Variants in CDIP1 observed in about 807,000 individuals in gnomAD.
The protein encoded by CDIP1 is cell death inducing p53 target 1, also known as cell death-inducing p53-target protein 1.
Under a neutral mutation model 17.7 loss-of-function variants are expected in CDIP1, and 9 were observed. That is an observed-to-expected ratio of 0.51 (90% CI 0.31 to 0.89). CDIP1 has a LOEUF of 0.89. CDIP1 is among the 40% of genes least tolerant of loss of function. CDIP1 has a pLI of 0.05. For missense variants in CDIP1, 263 were observed against 277.9 expected (o/e 0.95, Z 0.38); for synonymous variants, 117 against 109.5 (o/e 1.07, Z -0.43).
Position 4,513,965 on chromosome 16 carries a change from G to A in CDIP1, c.85+81C>T. The A allele has an allele frequency of 2.2e-6, 3 of 1,335,392 alleles. No individual in the cohort carries two copies. The highest frequency in any genetic ancestry group is 3.1e-6 in the Non-Finnish European group (3 of 981,220). 82.7% of individuals were successfully genotyped at this position (1,335,392 alleles called of 1,614,324 possible). On this transcript the variant is annotated intron_variant, in intron 3 of 5. Coordinates refer to ENST00000567695, the MANE Select transcript of CDIP1 (RefSeq NM_013399.3). The surrounding 1 kb of genome is among the most constrained non-coding windows in gnomAD (Gnocchi z 4.1). Reference sequence around the variant, plus strand: ...GGGCCCAGGGGTAACCCTGGAGTGGGCATCACCACTTAGAGAGTCCCAACC... The same window carrying A: ...GGGCCCAGGGGTAACCCTGGAGTGGACATCACCACTTAGAGAGTCCCAACC...
chr16:4,538,098 C>A lies in CDIP1; in HGVS notation c.-105+604G>T, dbSNP rs907021612. Among the ~76,000 whole-genome samples, 12 of 152,290 alleles carry A rather than the reference C, an allele frequency of 7.9e-5. No individual in the cohort carries two copies. The Middle Eastern group carries it at 0.01, about 130-fold the overall frequency. ...CCACCCCTCCCCTCCCCGTCTCGCCCTGCAAGACGGAGATGGCAATTTCCA... is the reference window on the plus strand; with the variant it reads ...CCACCCCTCCCCTCCCCGTCTCGCCATGCAAGACGGAGATGGCAATTTCCA... On this transcript the variant is annotated intron_variant, in intron 1 of 5. Coordinates refer to ENST00000567695, the MANE Select transcript of CDIP1 (RefSeq NM_013399.3).
chr16:4,521,583 C>G (rs1266141383), intron 1 of CDIP1, among the ~76,000 whole-genome samples: 1 of 151,908 alleles, frequency 6.6e-6, no homozygotes, highest in Non-Finnish European at 1.5e-5. Flanking sequence ...GGGCTCTGGG[C>G]CAGGTGTGGT....
chr16:4,513,422 C>A lies in CDIP1; in HGVS notation c.241+274G>T, dbSNP rs755738500. Among the ~76,000 whole-genome samples the A allele has an allele frequency of 1.2e-4, 18 of 152,162 alleles. No individual in the cohort carries two copies. The highest frequency in any genetic ancestry group is 2.4e-4 in the Non-Finnish European group (16 of 68,024). On this transcript the variant is annotated intron_variant, in intron 4 of 5. Transcript: ENST00000567695. The surrounding 1 kb of genome is among the most constrained non-coding windows in gnomAD (Gnocchi z 4.1). ...GAGGGAAAGCCTTGCGGGTCACCCACCCCTCTCCTGCACACAAGGCGCCCC... is the reference window on the plus strand; with the variant it reads ...GAGGGAAAGCCTTGCGGGTCACCCAACCCTCTCCTGCACACAAGGCGCCCC...
Position 4,512,492 on chromosome 16 carries a change from G to C in CDIP1, c.*80C>G. ...ACGGCTCCCAGCCCCAAGTGGGAGCGGGAAAGTGACCACTGAGCACAGGGA... is the reference window on the plus strand; with the variant it reads ...ACGGCTCCCAGCCCCAAGTGGGAGCCGGAAAGTGACCACTGAGCACAGGGA... On this transcript the variant is annotated 3_prime_UTR_variant, in exon 6 of 6. Coordinates refer to ENST00000567695, the MANE Select transcript of CDIP1 (RefSeq NM_013399.3). The surrounding 1 kb of genome is among the most constrained non-coding windows in gnomAD (Gnocchi z 4.6). The C allele has an allele frequency of 9.9e-7, 1 of 1,014,644 alleles. No homozygotes were observed. The highest frequency in any genetic ancestry group is 1.6e-6 in the Non-Finnish European group (1 of 642,170). 62.9% of individuals were successfully genotyped at this position (1,014,644 alleles called of 1,614,324 possible).
At chr16:4,526,282 G>A (rs1271226584) in intron 1 of CDIP1, among the ~76,000 whole-genome samples, 1 of 152,202 alleles carries the variant, frequency 6.6e-6, no homozygotes, top group African/African-American at 2.4e-5. Flanking sequence ...GCATCCGCCT[G>A]TAATCCCAGC....
rs531805684 is a variant in CDIP1, at chr16:4,514,233, C to T, written c.-14-89G>A. On this transcript the variant is annotated intron_variant, in intron 2 of 5. Coordinates refer to ENST00000567695, the MANE Select transcript of CDIP1 (RefSeq NM_013399.3). The surrounding 1 kb of genome is among the most constrained non-coding windows in gnomAD (Gnocchi z 5.2). ...CCTGTGGGGTGGCCAAGATGCTGCA[C>T]AAGGCGTGTGACCATCCTCAGAAGG... is the stretch of plus-strand genomic sequence containing the variant. 3.7e-5 allele frequency: 27 copies of T among 733,884 alleles called. No individual in the cohort carries two copies. In the South Asian group the frequency reaches 4.3e-4, roughly 12 times the overall value. 45.5% of individuals were successfully genotyped at this position (733,884 alleles called of 1,614,324 possible).
intron 1 of CDIP1, among the ~76,000 whole-genome samples, chr16:4,517,317 C>T (rs924763241): frequency 2.6e-5 from 4 of 152,134 alleles, no homozygotes; most frequent in African/African-American, 9.7e-5. Context: ...TTCTGAGTTG[C>T]CTTATTATCC....
rs2058820046 is a variant in CDIP1, at chr16:4,510,871, T to G, written c.*1701A>C. 6.6e-6 allele frequency: 1 copy of G among 152,268 alleles called. No homozygotes were observed. The highest frequency in any genetic ancestry group is 2.4e-5 in the African/African-American group (1 of 41,470). The allele number at this position is 152,268 out of a possible 1,614,324, so 9.4% of individuals were successfully genotyped here. A position where few individuals can be genotyped will look rare whatever the true frequency, so the allele number is the denominator to read the frequency against. ...CCAGGGCCAGAGGTCGCCCAGAACC[T>G]GCGTGTGCAGACTGCGCTCTGTTAG... On this transcript the variant is annotated 3_prime_UTR_variant, in exon 6 of 6. Coordinates refer to ENST00000567695, the MANE Select transcript of CDIP1 (RefSeq NM_013399.3).
Position 4,534,690 on chromosome 16 carries a change from G to GTT in CDIP1, c.-105+4010_-105+4011dup, listed in dbSNP as rs762718101. 2.6e-3 allele frequency among the ~76,000 whole-genome samples: 345 copies of GTT among 130,302 alleles called. 2 individuals are homozygous for GTT. Among genetic ancestry groups the GTT allele is most frequent in the African/African-American group, 0.01 (320 of 30,488 alleles). 85.5% of individuals were successfully genotyped at this position (130,302 alleles called of 152,430 possible). ...AGCCTGTGAGGCCGCTGTTTGCATG[G>GTT]TTTTTTTTTTTTTTTTTTTTTTTGG... On this transcript the variant is annotated intron_variant, in intron 1 of 5. Coordinates refer to ENST00000567695, the MANE Select transcript of CDIP1 (RefSeq NM_013399.3).
chr16:4,526,189 G>A (rs1458755294), intron 1 of CDIP1, among the ~76,000 whole-genome samples: 1 of 151,498 alleles, frequency 6.6e-6, no homozygotes. Context: ...GGCGGATCAC[G>A]AGGGCAGAAG....
In CDIP1 at chr16:4,513,628, A is replaced by C. The variant is rs1051437123; in HGVS notation, c.241+68T>G. ...CAGCAGATGCCCACCTGTACTGAGGACAGCCAGCGCAGGCCAGACAGCAGC... is the reference window on the plus strand; with the variant it reads ...CAGCAGATGCCCACCTGTACTGAGGCCAGCCAGCGCAGGCCAGACAGCAGC... On this transcript the variant is annotated intron_variant, in intron 4 of 5. Coordinates refer to ENST00000567695, the MANE Select transcript of CDIP1 (RefSeq NM_013399.3). This position sits in a 1 kb window ranked among gnomAD's most constrained non-coding sequence, Gnocchi z 4.1. The C allele has an allele frequency of 3.7e-5, 53 of 1,419,094 alleles. No homozygotes were observed. Among genetic ancestry groups the C allele is most frequent in the Middle Eastern group, 2.2e-4 (1 of 4,476 alleles). The allele number at this position is 1,419,094 out of a possible 1,614,324, so 87.9% of individuals were successfully genotyped here.
Position 4,513,216 on chromosome 16 carries a change from G to A in CDIP1, c.242-152C>T. ...CGCCCTCCTAACGGGCCAGTGGGAG[G>A]CCTTACAGCTGGGGCCCTAAGTCAA... On this transcript the variant is annotated intron_variant, in intron 4 of 5. Coordinates refer to ENST00000567695, the MANE Select transcript of CDIP1 (RefSeq NM_013399.3). This position sits in a 1 kb window ranked among gnomAD's most constrained non-coding sequence, Gnocchi z 4.1. The A allele has an allele frequency of 1.2e-6, 1 of 806,134 alleles. No individual in the cohort carries two copies. The highest frequency in any genetic ancestry group is 1.8e-5 in the South Asian group (1 of 54,358). 49.9% of individuals were successfully genotyped at this position (806,134 alleles called of 1,614,324 possible).
intron 1 of CDIP1, chr16:4,536,918 C>G (rs1244396275): frequency 6.6e-6 from 1 of 152,120 alleles, no homozygotes; most frequent in Non-Finnish European, 1.5e-5. Flanking sequence ...GGCCACAGAG[C>G]AAGACCCTGG....
At chr16:4,529,265 A>G (rs953508208) in intron 1 of CDIP1, among the ~76,000 whole-genome samples, 2 of 152,218 alleles carry the variant, frequency 1.3e-5, no homozygotes, top group Admixed American at 6.5e-5. Context: ...CAGTCCTGCT[A>G]GCCTAGGAGA....
At chr16:4,531,435 T>C (rs2059055908) in intron 1 of CDIP1, among the ~76,000 whole-genome samples, 2 of 152,056 alleles carry the variant, frequency 1.3e-5, no homozygotes, top group Non-Finnish European at 2.9e-5. Flanking sequence ...GCTAAGATTA[T>C]AGGTGTGAGT....
chr16:4,535,723 C>T (rs539889101), intron 1 of CDIP1, among the ~76,000 whole-genome samples: 2 of 152,372 alleles, frequency 1.3e-5, no homozygotes, highest in Non-Finnish European at 2.9e-5. Context: ...CCGGGGCCAT[C>T]AGGCCCACGG....
chr16:4,527,717 A>AT (rs1157168946), intron 1 of CDIP1, among the ~76,000 whole-genome samples: 1 of 152,224 alleles, frequency 6.6e-6, no homozygotes, highest in East Asian at 1.9e-4. Flanking sequence ...AAAGATGTTT[A>AT]TATGCACCAC....
chr16:4,532,695 G>A (rs1370360765), intron 1 of CDIP1: 2 of 152,174 alleles, frequency 1.3e-5, no homozygotes, highest in Non-Finnish European at 2.9e-5. Context: ...GAGAGCACTC[G>A]GCTACCACCT....
At chr16:4,537,489 C>T (rs1330866806) in intron 1 of CDIP1, among the ~76,000 whole-genome samples, 3 of 152,232 alleles carry the variant, frequency 2.0e-5, no homozygotes, top group African/African-American at 4.8e-5. Flanking sequence ...AGAGCAGTAA[C>T]TTGCCCGGGC....
Sources: allele counts gnomAD v4.1 joint callset (sites outside exome capture counted in the v4.1 genomes callset), GRCh38; gene constraint gnomAD v4.1.1; non-coding constraint Gnocchi (gnomAD v3.1); transcripts MANE v1.5; gene names NCBI Gene and HGNC (gene_info 2026-07-23, HGNC 2026-07-21).